Variants in CCBE1 observed in about 807,000 individuals in gnomAD.
The protein encoded by CCBE1 is collagen and calcium-binding EGF domain-containing protein 1.
A neutral mutation model predicts 50.0 loss-of-function variants in CCBE1; 37 were observed. The ratio of observed to expected loss-of-function variants is 0.74; its 90% CI spans 0.57 to 0.97. CCBE1 has a LOEUF of 0.97. CCBE1 is among the 50% of genes least tolerant of loss of function. The pLI is 0.00. For synonymous variants in CCBE1, 234 were observed against 203.7 expected (o/e 1.15, Z -1.27); for missense variants, 538 against 523.8 (o/e 1.03, Z -0.26).
At chr18:59,569,199 T>C (rs1310434949) in intron 2 of CCBE1, among the ~76,000 whole-genome samples, 1 of 152,226 alleles carries the variant, frequency 6.6e-6, no homozygotes, top group East Asian at 1.9e-4. Flanking sequence ...ATCTGTCTCA[T>C]AAGGGCTGGG....
chr18:59,696,542 C>G (rs1412544456), intron 2 of CCBE1, 87 bp downstream of exon 2: 1 of 1,597,546 alleles, frequency 6.3e-7, no homozygotes, highest in Non-Finnish European at 8.5e-7. Context: ...GTCCCAAGCG[C>G]GTCTCCAAAC....
intron 2 of CCBE1, among the ~76,000 whole-genome samples, chr18:59,675,452 T>G (rs1652063): frequency 3.3e-5 from 5 of 152,302 alleles, no homozygotes; most frequent in African/African-American, 1.2e-4. Flanking sequence ...CCCCCACACA[T>G]GGGACTACTG....
intron 3 of CCBE1, among the ~76,000 whole-genome samples, chr18:59,470,163 C>T (rs12968891): frequency 0.022 from 3,385 of 152,258 alleles, 158 homozygotes; most frequent in East Asian, 0.22. Context: ...TTAACTGGCT[C>T]ACAGTTCCAC....
At chr18:59,521,511 C>T (rs1329726779) in intron 2 of CCBE1, among the ~76,000 whole-genome samples, 3 of 152,172 alleles carry the variant, frequency 2.0e-5, no homozygotes, top group African/African-American at 7.2e-5. Flanking sequence ...CACATGGCCT[C>T]TGCAGTCAGC....
chr18:59,627,229 G>A (rs2053796993), intron 2 of CCBE1, among the ~76,000 whole-genome samples: 1 of 152,150 alleles, frequency 6.6e-6, no homozygotes, highest in Middle Eastern at 3.2e-3. Context: ...TCCGTATTCT[G>A]AGTAATTATA....
At chr18:59,452,843 A>G (rs1911006335) in intron 6 of CCBE1, among the ~76,000 whole-genome samples, 1 of 152,236 alleles carries the variant, frequency 6.6e-6, no homozygotes, top group African/African-American at 2.4e-5. Flanking sequence ...ACATTCCTTG[A>G]AAGTCTACAT....
intron 2 of CCBE1, among the ~76,000 whole-genome samples, chr18:59,677,250 A>G (rs554133656): frequency 6.6e-6 from 1 of 152,348 alleles, no homozygotes; most frequent in Non-Finnish European, 1.5e-5. Flanking sequence ...GATACATTTG[A>G]TAAAAGATTT....
chr18:59,601,897 A>G (rs1010714309), intron 2 of CCBE1, among the ~76,000 whole-genome samples: 5 of 152,286 alleles, frequency 3.3e-5, no homozygotes, highest in South Asian at 4.1e-4. Context: ...CCTTGTCACT[A>G]TTAGTTTTTC....
At chr18:59,537,398 T>C (rs184300755) in intron 2 of CCBE1, among the ~76,000 whole-genome samples, 1 of 152,266 alleles carries the variant, frequency 6.6e-6, no homozygotes, top group African/African-American at 2.4e-5. Context: ...TGGTGAAAGA[T>C]AATTGAATCA....
chr18:59,618,114 G>T (rs35436477), intron 2 of CCBE1, among the ~76,000 whole-genome samples: 4,067 of 152,156 alleles, frequency 0.027, 77 homozygotes, highest in Non-Finnish European at 0.037. Flanking sequence ...ATGGATTAAC[G>T]TTCTATGTTA....
intron 2 of CCBE1, among the ~76,000 whole-genome samples, chr18:59,578,365 C>G (rs1456939242): frequency 6.6e-6 from 1 of 152,150 alleles, no homozygotes; most frequent in Non-Finnish European, 1.5e-5. Context: ...TAAATTAGCT[C>G]AACCACTGTG....
intron 2 of CCBE1, among the ~76,000 whole-genome samples, chr18:59,520,324 T>G (rs1479271135): frequency 1.3e-5 from 2 of 152,220 alleles, no homozygotes; most frequent in East Asian, 3.8e-4. Context: ...TGTTTTTCCA[T>G]TTGTTTGTGT....
At chr18:59,643,564 C>T (rs146712888) in intron 2 of CCBE1, among the ~76,000 whole-genome samples, 177 of 152,216 alleles carry the variant, frequency 1.2e-3, no homozygotes, top group Non-Finnish European at 1.6e-3. Flanking sequence ...TTTGGAAGGC[C>T]GAGGTGGATC....
intron 2 of CCBE1, among the ~76,000 whole-genome samples, chr18:59,557,287 C>G (rs1003085021): frequency 6.6e-6 from 1 of 152,168 alleles, no homozygotes; most frequent in African/African-American, 2.4e-5. Context: ...GTTCATCTTT[C>G]TTCTCCAAAT....
At chr18:59,448,986 C>G (rs559610097) in intron 6 of CCBE1, among the ~76,000 whole-genome samples, 10 of 152,300 alleles carry the variant, frequency 6.6e-5, no homozygotes, top group African/African-American at 2.4e-4. Flanking sequence ...GAACCTCTTC[C>G]CTCAGTGAGT....
At chr18:59,590,333 A>G (rs966394403) in intron 2 of CCBE1, among the ~76,000 whole-genome samples, 1 of 152,236 alleles carries the variant, frequency 6.6e-6, no homozygotes, top group Non-Finnish European at 1.5e-5. Flanking sequence ...AAGAAATTTG[A>G]AAAACATAAA....
At chr18:59,453,424 G>A (rs992503309) in intron 6 of CCBE1, among the ~76,000 whole-genome samples, 14 of 152,158 alleles carry the variant, frequency 9.2e-5, no homozygotes, top group African/African-American at 3.4e-4. Context: ...AAGGTTTTCT[G>A]CCTAGTCTTC....
intron 2 of CCBE1, among the ~76,000 whole-genome samples, chr18:59,609,703 T>C (rs1189332286): frequency 6.6e-6 from 1 of 152,254 alleles, no homozygotes. Flanking sequence ...TCATGTGTTA[T>C]GTTTATTTTA....
In CCBE1 at chr18:59,446,725, C is replaced by G. The variant is rs568097248; in HGVS notation, c.775+1258G>C. ...CCATGTCCAGATCAAACCTAAATGC[C>G]GCTGACCACTGCAGACTACAGTGCT... On this transcript the variant is annotated intron_variant, in intron 7 of 10. Coordinates refer to ENST00000439986, the MANE Select transcript of CCBE1 (RefSeq NM_133459.4). 2.0e-5 allele frequency among the ~76,000 whole-genome samples: 3 copies of G among 152,282 alleles called. No individual in the cohort carries two copies. In the East Asian group the frequency reaches 5.8e-4, roughly 29 times the overall value.
Sources: gnomAD v4.1 joint callset for allele counts (sites outside exome capture counted in the v4.1 genomes callset) on GRCh38, gnomAD v4.1.1 for gene constraint, MANE v1.5 for transcripts, NCBI Gene and HGNC (gene_info 2026-07-23, HGNC 2026-07-21) for gene names.